Variants in LBH observed in about 807,000 individuals in gnomAD.
The protein encoded by LBH is protein LBH.
Under a neutral mutation model 12.5 loss-of-function variants are expected in LBH, and 7 were observed. The observed-to-expected ratio is 0.56, with a 90% CI of 0.32 to 1.05. The LOEUF is 1.05. Ranked by LOEUF, LBH falls within the 50% of genes least tolerant of loss-of-function variation. The probability of loss-of-function intolerance (pLI) is 0.04; values close to 1 mark genes in which losing one functional copy is unlikely to be tolerated. For synonymous variants in LBH, 51 were observed against 50.1 expected (o/e 1.02, Z -0.08); for missense variants, 119 against 138.9 (o/e 0.86, Z 0.72).
chr2:30,251,142 C>A (rs116177031), intron 2 of LBH, among the ~76,000 whole-genome samples: 339 of 146,614 alleles, frequency 2.3e-3, no homozygotes, highest in African/African-American at 8.1e-3. Flanking sequence ...GCAGCCTTAA[C>A]CTTCCAGGCT....
At chr2:30,248,769 G>A (rs1330091601) in intron 2 of LBH, among the ~76,000 whole-genome samples, 1 of 152,236 alleles carries the variant, frequency 6.6e-6, no homozygotes, top group African/African-American at 2.4e-5. Flanking sequence ...TGGGCCCAGA[G>A]TTAGCAGTAG....
At chr2:30,244,567 AGAG>A (rs1677842753) in intron 2 of LBH, among the ~76,000 whole-genome samples, 1 of 151,998 alleles carries the variant, frequency 6.6e-6, no homozygotes, top group African/African-American at 2.4e-5. Context: ...CCCCTTTACA[AGAG>A]GAGAACCTGT....
intron 2 of LBH, among the ~76,000 whole-genome samples, chr2:30,235,466 C>T (rs1433019415): frequency 1.3e-5 from 2 of 152,144 alleles, no homozygotes; most frequent in Admixed American, 1.3e-4. Flanking sequence ...TCTACAGACG[C>T]TGCCTTGCTC....
intron 2 of LBH, among the ~76,000 whole-genome samples, chr2:30,246,363 G>C (rs1398998080): frequency 1.3e-5 from 2 of 152,090 alleles, no homozygotes; most frequent in Non-Finnish European, 2.9e-5. Flanking sequence ...TACCCAAAGA[G>C]CTTCTGTTCA....
chr2:30,245,960 CTTT>C (rs11345537), intron 2 of LBH, among the ~76,000 whole-genome samples: 29 of 140,026 alleles, frequency 2.1e-4, no homozygotes, highest in Non-Finnish European at 3.1e-4. Context: ...CTTACATAGT[CTTT>C]TTTTTTTTTT....
chr2:30,255,286 C>G (rs1678061212), intron 2 of LBH, among the ~76,000 whole-genome samples: 2 of 142,962 alleles, frequency 1.4e-5, no homozygotes, highest in South Asian at 4.4e-4. Flanking sequence ...CCAAAAAGCC[C>G]ACGTGGCGCT....
intron 1 of LBH, chr2:30,232,210 C>A: frequency 1.3e-6 from 2 of 1,501,574 alleles, no homozygotes; most frequent in Admixed American, 2.2e-5. Context: ...TGAGCTGGTG[C>A]GGCCGCAGGG....
chr2:30,243,587 G>C (rs1357709157), intron 2 of LBH, among the ~76,000 whole-genome samples: 1 of 142,364 alleles, frequency 7.0e-6, no homozygotes, highest in Non-Finnish European at 1.5e-5. Flanking sequence ...CTTGAGTGCA[G>C]TGGCACGATC....
At chr2:30,232,204 C>T (rs1677601011) in intron 1 of LBH, 1 of 1,522,862 alleles carries the variant, frequency 6.6e-7, no homozygotes, top group Non-Finnish European at 8.8e-7. Flanking sequence ...CGGGGCTGAG[C>T]TGGTGCGGCC....
At position 30,257,780 on chromosome 2, in the gene LBH, CT is replaced by C. The variant is rs1213670085; in HGVS notation, c.*163del. On this transcript the variant is annotated 3_prime_UTR_variant, in exon 3 of 3. Transcript: ENST00000395323. Reference sequence around the variant, plus strand: ...CAGATCACCGAGTTGGTTTTCTTTTCTTTTCTTGCCTTTTTTTTTTTTTGAA... The same window carrying C: ...CAGATCACCGAGTTGGTTTTCTTTTCTTTCTTGCCTTTTTTTTTTTTTGAA... 2.1e-6 allele frequency: 1 copy of C among 472,368 alleles called. No individual in the cohort carries two copies. Among genetic ancestry groups the C allele is most frequent in the African/African-American group, 2.4e-5 (1 of 41,106 alleles). The allele number at this position is 472,368 out of a possible 1,614,324, so 29.3% of individuals were successfully genotyped here.
rs867997332 is a variant in LBH, at chr2:30,234,494, G to T, written c.116G>T (p.Gly39Val). Residue 39 changes from glycine to valine, a missense_variant, in exon 2 of 3, where the codon GGC becomes GTC. Gly to Val is a moderately radical substitution (Grantham distance 109). Transcript: ENST00000395323. ...ATCGGCCTCAGCCCCCGCAAGGATGGCCTTTCCTACCAGGTGAGTAAGTCC... is the reference window on the plus strand; with the variant it reads ...ATCGGCCTCAGCCCCCGCAAGGATGTCCTTTCCTACCAGGTGAGTAAGTCC... The part of the protein sequence containing the change: ...EEIGLSPRKD[G>V]LSYQIFPDPS... 2.5e-6 allele frequency: 4 copies of T among 1,613,294 alleles called. No individual in the cohort carries two copies. The highest frequency in any genetic ancestry group is 3.3e-4 in the Middle Eastern group (2 of 6,054).
intron 1 of LBH, among the ~76,000 whole-genome samples, chr2:30,234,030 G>A (rs1677637962): frequency 6.6e-6 from 1 of 152,196 alleles, no homozygotes; most frequent in Admixed American, 6.5e-5. Context: ...GAAGTGAAGG[G>A]AGATGTGGTT....
intron 2 of LBH, among the ~76,000 whole-genome samples, chr2:30,241,756 G>A (rs988643875): frequency 1.3e-5 from 2 of 152,108 alleles, no homozygotes; most frequent in South Asian, 2.1e-4. Context: ...GAGCCACCGC[G>A]CCCAGCCTAT....
chr2:30,239,915 C>G (rs1297572103), intron 2 of LBH, among the ~76,000 whole-genome samples: 1 of 152,202 alleles, frequency 6.6e-6, no homozygotes, highest in Admixed American at 6.5e-5. Context: ...CTCCTGGGCC[C>G]CATAAGCCCC....
chr2:30,238,550 TCTTCACACACCACAGTG>T (rs1188835689), intron 2 of LBH, among the ~76,000 whole-genome samples: 1 of 152,218 alleles, frequency 6.6e-6, no homozygotes, highest in Non-Finnish European at 1.5e-5. Flanking sequence ...AGGAGCGATT[TCTTCACACACCACAGTG>T]CTTGTGTGCA....
Position 30,235,464 on chromosome 2 carries a change from C to T in LBH, c.129+957C>T, listed in dbSNP as rs188960841. ...CACTGCACGCCAAGCACTCTACAGA[C>T]GCTGCCTTGCTCACATCTTACCACA... On this transcript the variant is annotated intron_variant, in intron 2 of 2. Transcript: ENST00000395323. Among the ~76,000 whole-genome samples, 81 of 152,214 alleles carry T rather than the reference C, an allele frequency of 5.3e-4. 1 individual carries two copies. The highest frequency in any genetic ancestry group is 1.2e-3 in the Admixed American group (19 of 15,302).
At chr2:30,241,217 C>A (rs1232629441) in intron 2 of LBH, among the ~76,000 whole-genome samples, 1 of 152,172 alleles carries the variant, frequency 6.6e-6, no homozygotes, top group African/African-American at 2.4e-5. Context: ...GGCAGTGGTG[C>A]CAGCGCACAT....
Position 30,231,711 on chromosome 2 carries a change from G to T in LBH, c.-28G>T. The T allele has an allele frequency of 6.3e-7, 1 of 1,589,006 alleles. No individual in the cohort carries two copies. Among genetic ancestry groups the T allele is most frequent in the Non-Finnish European group, 8.6e-7 (1 of 1,167,242 alleles). ...GCAGGGACCGTTTTTAAATCACAGGGGCGTGTGTCAGCCTGCCCTAGGACT... is the reference window on the plus strand; with the variant it reads ...GCAGGGACCGTTTTTAAATCACAGGTGCGTGTGTCAGCCTGCCCTAGGACT... On this transcript the variant is annotated 5_prime_UTR_variant, in exon 1 of 3. Coordinates refer to ENST00000395323, the MANE Select transcript of LBH (RefSeq NM_030915.4).
chr2:30,238,144 C>T (rs532398519), intron 2 of LBH, among the ~76,000 whole-genome samples: 105 of 152,178 alleles, frequency 6.9e-4, no homozygotes, highest in Non-Finnish European at 1.1e-3. Context: ...ATGCTGTGCC[C>T]GACTTGGCCT....
Sources: gnomAD v4.1 joint callset for allele counts (sites outside exome capture counted in the v4.1 genomes callset) on GRCh38, gnomAD v4.1.1 for gene constraint, MANE v1.5 for transcripts, NCBI Gene and HGNC (gene_info 2026-07-23, HGNC 2026-07-21) for gene names.